The following AFAP1L2 variants were observed in gnomAD, a reference collection of about 807,000 sequenced individuals.
AFAP1L2 encodes actin filament associated protein 1 like 2.
Under a neutral mutation model 99.3 loss-of-function variants are expected in AFAP1L2, and 46 were observed. The observed-to-expected ratio is 0.46, with a 90% CI of 0.37 to 0.59. The LOEUF (loss-of-function observed/expected upper bound fraction) is 0.59, where lower values mean the gene tolerates loss of function less well. Among genes scored for constraint, AFAP1L2 ranks in the 20% least tolerant of loss-of-function variants. AFAP1L2 has a pLI of 0.00. For synonymous variants in AFAP1L2, 397 were observed against 419.1 expected, an observed-to-expected ratio of 0.95 and a Z score of 0.64; for missense variants, 959 against 1,034.9, an observed-to-expected ratio of 0.93 and a Z score of 1.01.
the AFAP1L2 span, chr10:114,281,749 G>A: frequency 1.0e-6 from 1 of 985,380 alleles, no homozygotes; most frequent in Non-Finnish European, 1.2e-6. Context: ...TGCTCCTTCA[G>A]TGCTCTTCTC....
intron 1 of AFAP1L2, among the ~76,000 whole-genome samples, chr10:114,354,297 G>A (rs563725220): frequency 1.4e-4 from 22 of 152,280 alleles, no homozygotes; most frequent in East Asian, 7.7e-4. Flanking sequence ...GTCAAGCTTC[G>A]ACTAACTTGC....
At chr10:114,342,137 C>T (rs540156100) in intron 1 of AFAP1L2, among the ~76,000 whole-genome samples, 7 of 152,312 alleles carry the variant, frequency 4.6e-5, no homozygotes, top group African/African-American at 1.7e-4. Context: ...CTGCTGATTG[C>T]TTTCAGGTGT....
chr10:114,325,251 G>A (rs529025304), intron 4 of AFAP1L2, among the ~76,000 whole-genome samples: 1 of 152,290 alleles, frequency 6.6e-6, no homozygotes, highest in South Asian at 2.1e-4. Context: ...ACAGGGCCTG[G>A]CCCATATTAA....
At chr10:114,360,900 A>G (rs532894548) in intron 1 of AFAP1L2, among the ~76,000 whole-genome samples, 94 of 152,256 alleles carry the variant, frequency 6.2e-4, no homozygotes, top group African/African-American at 2.2e-3. Context: ...GCATCATTAC[A>G]ATGATTTCCT....
chr10:114,353,369 C>A (rs2050834324), intron 1 of AFAP1L2, among the ~76,000 whole-genome samples: 1 of 152,192 alleles, frequency 6.6e-6, no homozygotes, highest in African/African-American at 2.4e-5. Flanking sequence ...GCCAAAGCAC[C>A]CTATTTGTTT....
chr10:114,365,035 T>C (rs113460248), intron 1 of AFAP1L2, among the ~76,000 whole-genome samples: 4 of 152,214 alleles, frequency 2.6e-5, no homozygotes, highest in African/African-American at 9.7e-5. Flanking sequence ...TGCTAAGTCA[T>C]TGGTTCAAGA....
rs2054943553 is a variant in AFAP1L2 at position 114,377,373 on chromosome 10, T to C, written c.16+27067A>G. On this transcript the variant is annotated intron_variant, in intron 1 of 18. Coordinates refer to ENST00000304129, the MANE Select transcript of AFAP1L2 (RefSeq NM_001001936.3). This position sits in a 1 kb window ranked among gnomAD's most constrained non-coding sequence, Gnocchi z 4.0. The stretch of plus-strand genomic sequence containing the variant: ...AGCATGATTTAGAAACTAGATGACT[T>C]TGGGTCAAGTCTGATCAAAGACAGT... Among the ~76,000 whole-genome samples, 1 of 152,156 alleles carries C rather than the reference T, an allele frequency of 6.6e-6. No individual in the cohort carries two copies. Among genetic ancestry groups the C allele is most frequent in the South Asian group, 2.1e-4 (1 of 4,824 alleles).
the AFAP1L2 span, chr10:114,285,931 C>A: frequency 1.3e-6 from 2 of 1,575,290 alleles, no homozygotes; most frequent in Non-Finnish European, 1.7e-6. Context: ...TTGCTGTGAT[C>A]CCCGCAGCCC....
chr10:114,329,110 G>A lies in AFAP1L2; in HGVS notation c.315+2693C>T, dbSNP rs1003225215. ...TTGGCTGAAAGGCCTCCTTGGGATC[G>A]TGCCATTCCTGGGTGCTGATATTTT... On this transcript the variant is annotated intron_variant, in intron 4 of 18. Transcript: ENST00000304129. Among the ~76,000 whole-genome samples the A allele has an allele frequency of 4.3e-4, 66 of 152,264 alleles. 1 individual carries two copies. Among genetic ancestry groups the A allele is most frequent in the African/African-American group, 1.5e-3 (64 of 41,550 alleles).
At chr10:114,391,084 C>T (rs2057090909) in intron 1 of AFAP1L2, among the ~76,000 whole-genome samples, 2 of 152,164 alleles carry the variant, frequency 1.3e-5, no homozygotes, top group African/African-American at 2.4e-5. Context: ...AAATCTCTCT[C>T]TCCTTTCTGC....
chr10:114,373,486 G>C, intron 1 of AFAP1L2, among the ~76,000 whole-genome samples: 1 of 152,100 alleles, frequency 6.6e-6, no homozygotes, highest in East Asian at 1.9e-4. Context: ...TTAGCTGGGC[G>C]TGGTGGTGCA....
intron 1 of AFAP1L2, 46 bp from the exon 2 acceptor site, chr10:114,340,777 C>T: frequency 6.2e-7 from 1 of 1,613,558 alleles, no homozygotes; most frequent in Non-Finnish European, 8.5e-7. Context: ...GCCCGCTCTC[C>T]AAAGCCCAGC....
Position 114,333,261 on chromosome 10 carries a change from C to A in AFAP1L2, c.180G>T (p.Val60=). The A allele has an allele frequency of 6.2e-7, 1 of 1,613,996 alleles. No individual in the cohort carries two copies. Among genetic ancestry groups the A allele is most frequent in the South Asian group, 1.1e-5 (1 of 91,068 alleles). ...SDEEYIYMNK[V]TINKQQNAES... is the part of the protein sequence containing the mutation. ...CTGCATTCTGTTGCTTGTTGATGGT[C>A]ACTTTGTTCATATAAATGTACTCCT... is the stretch of plus-strand genomic sequence containing the variant. The change falls in exon 3 of 19, where the codon GTG becomes GTT. Residue 60 remains valine, a synonymous_variant. Transcript: ENST00000304129.
intron 1 of AFAP1L2, among the ~76,000 whole-genome samples, chr10:114,397,301 T>TGCTACCCACACATGGATCTA (rs2057816081): frequency 6.6e-6 from 1 of 152,192 alleles, no homozygotes; most frequent in Non-Finnish European, 1.5e-5. Context: ...TCTGTTTCCC[T>TGCTACCCACACATGGATCTA]ATAGTTTTGC....
At chr10:114,388,672 T>C (rs187997461) in intron 1 of AFAP1L2, among the ~76,000 whole-genome samples, 13 of 152,326 alleles carry the variant, frequency 8.5e-5, no homozygotes, top group African/African-American at 3.1e-4. Flanking sequence ...AAAATGTCCA[T>C]TGTGTGAATA....
chr10:114,367,039 C>T (rs560473694), intron 1 of AFAP1L2, among the ~76,000 whole-genome samples: 2 of 152,262 alleles, frequency 1.3e-5, no homozygotes, highest in East Asian at 3.9e-4. Context: ...TTCATATTAA[C>T]GCAGTGTCAG....
At chr10:114,402,571 T>C (rs142147372) in intron 1 of AFAP1L2, among the ~76,000 whole-genome samples, 2 of 152,316 alleles carry the variant, frequency 1.3e-5, no homozygotes, top group Admixed American at 1.3e-4. Context: ...ATACATGTGT[T>C]ACCAAAAACA....
rs766233978 is a variant in AFAP1L2 at position 114,297,373 on chromosome 10, T to C, written c.2154A>G (p.Glu718=). 6.2e-6 allele frequency: 10 copies of C among 1,613,568 alleles called. No homozygotes were observed. In the South Asian group the frequency reaches 1.1e-4, roughly 18 times the overall value. Residue 718 remains glutamate (E), a synonymous_variant, in exon 17 of 19, where the codon GAA becomes GAG. Coordinates refer to ENST00000304129, the MANE Select transcript of AFAP1L2 (RefSeq NM_001001936.3). ...VLASLEQKLK[E]IDEECRGEES... Reference sequence around the variant, plus strand: ...CCTCGCCCCGGCACTCCTCGTCAATTTCCTTCAGCTTCTGCTCCAGGCTCG... The same window carrying C: ...CCTCGCCCCGGCACTCCTCGTCAATCTCCTTCAGCTTCTGCTCCAGGCTCG...
At chr10:114,317,942 T>G (rs1250808631) in intron 5 of AFAP1L2, among the ~76,000 whole-genome samples, 1 of 152,222 alleles carries the variant, frequency 6.6e-6, no homozygotes, top group African/African-American at 2.4e-5. Flanking sequence ...AGAAGGGGAC[T>G]GGGTAAGTAA....
Sources: allele counts gnomAD v4.1 joint callset (sites outside exome capture counted in the v4.1 genomes callset), GRCh38; gene constraint gnomAD v4.1.1; non-coding constraint Gnocchi (gnomAD v3.1); transcripts MANE v1.5; gene names NCBI Gene and HGNC (gene_info 2026-07-23, HGNC 2026-07-21).